DBF4: variants seen among roughly 807,000 people sequenced by gnomAD.
DBF4 encodes DBF4-CDC7 kinase regulatory subunit.
In DBF4, 25 loss-of-function variants were observed where a neutral mutation model predicts 76.6. The ratio of observed to expected loss-of-function variants is 0.33; its 90% CI spans 0.24 to 0.46. The LOEUF (loss-of-function observed/expected upper bound fraction) is 0.46. Ranked by LOEUF, DBF4 falls within the 20% of genes least tolerant of loss-of-function variation. The pLI is 1.00. For missense variants in DBF4, 638 were observed against 760.8 expected, an observed-to-expected ratio of 0.84 and a Z score of 1.90; for synonymous variants, 213 against 258.0, an observed-to-expected ratio of 0.83 and a Z score of 1.67.
intron 2 of DBF4, among the ~76,000 whole-genome samples, chr7:87,883,890 A>ATAT (rs1839278467): frequency 6.6e-6 from 1 of 152,206 alleles, no homozygotes; most frequent in Admixed American, 6.5e-5. Context: ...TATAGTATAC[A>ATAT]TATTTATACT....
intron 6 of DBF4, chr7:87,888,359 C>A (rs543362924): frequency 8.3e-6 from 8 of 961,376 alleles, no homozygotes; most frequent in African/African-American, 1.8e-5. Flanking sequence ...GTTGTATAAA[C>A]GTTCCTAATG....
chr7:87,877,121 C>T (rs542836859), intron 1 of DBF4, among the ~76,000 whole-genome samples: 1 of 152,330 alleles, frequency 6.6e-6, no homozygotes, highest in African/African-American at 2.4e-5. Context: ...CCGCCCGGGC[C>T]CTTGGAGGCG....
At position 87,885,109 on chromosome 7, in the gene DBF4, C is replaced by T; in HGVS notation, c.350C>T (p.Thr117Ile). The T allele has an allele frequency of 6.2e-7, 1 of 1,613,306 alleles. No homozygotes were observed. The highest frequency in any genetic ancestry group is 1.3e-5 in the African/African-American group (1 of 75,036). ...GAATCTGCATATACTGCAGAAACCACTTCACCTCATCCCAGCCATGATGGA... is the reference window on the plus strand; with the variant it reads ...GAATCTGCATATACTGCAGAAACCATTTCACCTCATCCCAGCCATGATGGA... ...SPESAYTAETTSPHPSHDGSS... is the reference protein window; with the variant it reads ...SPESAYTAETISPHPSHDGSS... Residue 117 changes from threonine to isoleucine, a missense_variant, in exon 3 of 12, where the codon ACT becomes ATT. Transcript: ENST00000265728.
intron 6 of DBF4, among the ~76,000 whole-genome samples, chr7:87,891,702 A>G (rs58903931): frequency 0.027 from 4,106 of 152,190 alleles, 57 homozygotes; most frequent in Middle Eastern, 0.048. Context: ...TTTACCAGTT[A>G]TTAATATTTT....
At position 87,907,540 on chromosome 7, in the gene DBF4, A is replaced by G. The variant is rs141167838; in HGVS notation, c.1402A>G (p.Thr468Ala). The G allele has an allele frequency of 6.2e-7, 1 of 1,614,114 alleles. No individual in the cohort carries two copies. Among genetic ancestry groups the G allele is most frequent in the Non-Finnish European group, 8.5e-7 (1 of 1,179,952 alleles). ...QECILDISEH[T>A]LSENDLEELR... is the part of the protein sequence containing the mutation. The stretch of plus-strand genomic sequence containing the variant: ...ATGCATTCTTGACATTTCCGAACAC[A>G]CATTAAGTGAAAATGACTTAGAAGA... Residue 468 changes from threonine (T) to alanine (A), a missense_variant, in exon 12 of 12, where the codon ACA becomes GCA. Coordinates refer to ENST00000265728, the MANE Select transcript of DBF4 (RefSeq NM_006716.4).
intron 2 of DBF4, among the ~76,000 whole-genome samples, chr7:87,880,146 G>C (rs1839176412): frequency 6.6e-6 from 1 of 152,058 alleles, no homozygotes; most frequent in Non-Finnish European, 1.5e-5. Flanking sequence ...CTGTAAAAAG[G>C]GAACCCCTTG....
chr7:87,892,633 T>C (rs1323290499), intron 6 of DBF4, among the ~76,000 whole-genome samples: 2 of 152,222 alleles, frequency 1.3e-5, no homozygotes, highest in Non-Finnish European at 2.9e-5. Flanking sequence ...ATAGTAAGAC[T>C]AGGTTTAGTT....
intron 1 of DBF4, 23 bp from the exon 2 acceptor site, chr7:87,878,030 C>T: frequency 6.5e-7 from 1 of 1,535,768 alleles, no homozygotes; most frequent in South Asian, 1.2e-5. Flanking sequence ...TGTAAAACAT[C>T]TGATTCTAAA....
At chr7:87,884,088 TA>T (rs1032205532) in intron 2 of DBF4, among the ~76,000 whole-genome samples, 1 of 152,184 alleles carries the variant, frequency 6.6e-6, no homozygotes, top group African/African-American at 2.4e-5. Context: ...CTTACACTCT[TA>T]AGCGTAAAGG....
chr7:87,903,545 T>G (rs1189494235), intron 10 of DBF4, among the ~76,000 whole-genome samples: 2 of 152,220 alleles, frequency 1.3e-5, no homozygotes, highest in Non-Finnish European at 2.9e-5. Context: ...TTAATCTACT[T>G]TCTGGATTCT....
intron 5 of DBF4, 57 bp from the exon 6 acceptor site, chr7:87,887,926 C>G (rs1839398886): frequency 7.1e-7 from 1 of 1,411,932 alleles, no homozygotes; most frequent in African/African-American, 1.5e-5. Flanking sequence ...GAAAATATCA[C>G]TGTTTAACTC....
At chr7:87,904,163 G>T in intron 10 of DBF4, 129 bp from the exon 11 acceptor site, 1 of 868,810 alleles carries the variant, frequency 1.2e-6, no homozygotes, top group South Asian at 1.9e-5. Context: ...CTAGTAAAGG[G>T]TATTATCTTT....
chr7:87,895,978 G>C (rs997919980), intron 6 of DBF4, among the ~76,000 whole-genome samples: 1 of 152,154 alleles, frequency 6.6e-6, no homozygotes, highest in Non-Finnish European at 1.5e-5. Context: ...ATGACTGAAG[G>C]TTCCAGTTTT....
rs779406817 is a variant in DBF4, at chr7:87,900,745, C to T, written c.810-19C>T. 1.0e-5 allele frequency: 16 copies of T among 1,585,678 alleles called. No individual in the cohort carries two copies. In the East Asian group the frequency reaches 3.4e-4, roughly 33 times the overall value. On this transcript the variant is annotated intron_variant, in intron 9 of 11. Coordinates refer to ENST00000265728, the MANE Select transcript of DBF4 (RefSeq NM_006716.4). ...TTAGGTTCAGCAGTTAATTCTTTAC[C>T]ATGTATGTCTGTCATCAGAATCCAA...
At chr7:87,886,167 C>T (rs1379927456) in intron 3 of DBF4, among the ~76,000 whole-genome samples, 1 of 152,004 alleles carries the variant, frequency 6.6e-6, no homozygotes, top group Non-Finnish European at 1.5e-5. Context: ...AGCAAGGAGA[C>T]AATACACCAG....
At chr7:87,896,575 A>C in intron 7 of DBF4, 65 bp downstream of exon 7, 1 of 1,401,410 alleles carries the variant, frequency 7.1e-7, no homozygotes, top group African/African-American at 1.4e-5. Flanking sequence ...AGATCTTCTA[A>C]AATCATATAA....
intron 5 of DBF4, 133 bp from the exon 6 acceptor site, chr7:87,887,850 C>CA: frequency 1.1e-6 from 1 of 893,066 alleles, no homozygotes; most frequent in Non-Finnish European, 1.6e-6. Flanking sequence ...TTAGAGGAGA[C>CA]AAACATTCAG....
At chr7:87,881,450 T>C (rs1839212166) in intron 2 of DBF4, among the ~76,000 whole-genome samples, 1 of 152,152 alleles carries the variant, frequency 6.6e-6, no homozygotes, top group African/African-American at 2.4e-5. Context: ...GTCCATCCCA[T>C]CCTCATGTTC....
rs756466455 is a variant in DBF4 at position 87,880,466 on chromosome 7, C to G, written c.219+2241C>G. Reference sequence around the variant, plus strand: ...TTATTAACTTTCTCCTAAAAAATGTCTTATTTATTGAATTCTGATCTTCCC... The same window carrying G: ...TTATTAACTTTCTCCTAAAAAATGTGTTATTTATTGAATTCTGATCTTCCC... On this transcript the variant is annotated intron_variant, in intron 2 of 11. Coordinates refer to ENST00000265728, the MANE Select transcript of DBF4 (RefSeq NM_006716.4). Among the ~76,000 whole-genome samples the G allele has an allele frequency of 4.9e-4, 75 of 152,122 alleles. 3 individuals are homozygous for G. The highest frequency in any genetic ancestry group is 4.8e-5 in the African/African-American group (2 of 41,420).
Sources: allele counts gnomAD v4.1 joint callset (sites outside exome capture counted in the v4.1 genomes callset), GRCh38; gene constraint gnomAD v4.1.1; transcripts MANE v1.5; gene names NCBI Gene and HGNC (gene_info 2026-07-23, HGNC 2026-07-21).